The following STPG2 variants were observed in gnomAD, a reference collection of about 807,000 sequenced individuals.
The protein encoded by STPG2 is sperm-tail PG-rich repeat-containing protein 2.
STPG2 carries 56 observed loss-of-function variants against 54.2 expected under a neutral mutation model. The ratio of observed to expected loss-of-function variants is 1.03; its 90% CI spans 0.83 to 1.29. The LOEUF (loss-of-function observed/expected upper bound fraction) is 1.29, where lower values mean the gene tolerates loss of function less well. Among genes scored for constraint, STPG2 ranks in the 50% most tolerant of loss-of-function variants. STPG2 has a pLI of 0.00. For missense variants in STPG2, 596 were observed against 544.9 expected, an observed-to-expected ratio of 1.09 and a Z score of -0.93; for synonymous variants, 200 against 181.8, an observed-to-expected ratio of 1.10 and a Z score of -0.81.
intron 10 of STPG2, among the ~76,000 whole-genome samples, chr4:97,689,051 C>A (rs1211140936): frequency 6.6e-6 from 1 of 152,092 alleles, no homozygotes; most frequent in Non-Finnish European, 1.5e-5. Context: ...TACTTTCTCA[C>A]AAAAGAGGCT....
chr4:97,846,329 A>C (rs1488886206), intron 8 of STPG2, among the ~76,000 whole-genome samples: 1 of 152,046 alleles, frequency 6.6e-6, no homozygotes, highest in Non-Finnish European at 1.5e-5. Context: ...ACTCTCAATC[A>C]AAAAACCAGG....
At chr4:98,074,604 CT>C (rs1738103269) in intron 5 of STPG2, among the ~76,000 whole-genome samples, 2 of 152,100 alleles carry the variant, frequency 1.3e-5, no homozygotes, top group Admixed American at 6.5e-5. Flanking sequence ...ACCTTCTATT[CT>C]TTTACTCAGT....
intron 10 of STPG2, among the ~76,000 whole-genome samples, chr4:97,594,377 A>C (rs1733227164): frequency 6.6e-6 from 1 of 152,246 alleles, no homozygotes; most frequent in Admixed American, 6.5e-5. Context: ...TAACAGCAGA[A>C]TCAGCAAAGC....
intron 4 of STPG2, among the ~76,000 whole-genome samples, chr4:97,491,763 G>T (rs957177702): frequency 5.9e-5 from 9 of 151,468 alleles, no homozygotes; most frequent in Admixed American, 6.6e-5. Context: ...AATACTCTCT[G>T]TATAATCTGA....
chr4:97,918,807 A>G (rs963734341), intron 8 of STPG2, among the ~76,000 whole-genome samples: 9 of 152,070 alleles, frequency 5.9e-5, no homozygotes, highest in Non-Finnish European at 1.3e-4. Flanking sequence ...AACTCTGGAA[A>G]CTCGGGGGAA....
chr4:97,531,626 A>G (rs560290585), intron 4 of STPG2, among the ~76,000 whole-genome samples: 55 of 152,290 alleles, frequency 3.6e-4, no homozygotes, highest in African/African-American at 1.3e-3. Flanking sequence ...CAAACATCAC[A>G]TGTTCTCACT....
rs371080167 is a variant in STPG2, at chr4:97,676,056, T to G, written c.1320+36643A>C. Among the ~76,000 whole-genome samples the G allele has an allele frequency of 1.6e-4, 24 of 146,688 alleles. No homozygotes were observed. In the East Asian group the frequency reaches 2.0e-3, roughly 12 times the overall value. On this transcript the variant is annotated intron_variant, in intron 10 of 10. Transcript: ENST00000295268. ...TAGTATATATAATTACTAAAATATA[T>G]ATACTAAATATATACTATAGTATAT... is the stretch of plus-strand genomic sequence containing the variant.
chr4:97,493,728 C>CT (rs1477738919), intron 4 of STPG2, among the ~76,000 whole-genome samples: 2 of 151,402 alleles, frequency 1.3e-5, no homozygotes, highest in African/African-American at 4.8e-5. Context: ...ACGAGATGTA[C>CT]TAAAGGAGAT....
chr4:97,907,213 T>C (rs1201427736), intron 8 of STPG2, among the ~76,000 whole-genome samples: 1 of 150,872 alleles, frequency 6.6e-6, no homozygotes, highest in Non-Finnish European at 1.5e-5. Flanking sequence ...AGCATTCTTA[T>C]ACACCAACAA....
At chr4:97,679,867 C>T (rs1357080217) in intron 10 of STPG2, among the ~76,000 whole-genome samples, 3 of 151,956 alleles carry the variant, frequency 2.0e-5, no homozygotes, top group Admixed American at 6.6e-5. Flanking sequence ...TTCCCATCAC[C>T]ATTTATTAAA....
intron 5 of STPG2, among the ~76,000 whole-genome samples, chr4:98,069,625 A>G (rs1026049364): frequency 2.0e-5 from 3 of 152,042 alleles, no homozygotes; most frequent in Non-Finnish European, 4.4e-5. Flanking sequence ...TTGAGAGACA[A>G]TTCTCCATGA....
chr4:97,712,167 A>G (rs1724144158), intron 10 of STPG2, among the ~76,000 whole-genome samples: 1 of 152,150 alleles, frequency 6.6e-6, no homozygotes, highest in South Asian at 2.1e-4. Flanking sequence ...CTAATTCTCT[A>G]AAGGGCAATA....
intron 7 of STPG2, among the ~76,000 whole-genome samples, chr4:97,948,744 T>A (rs1470385465): frequency 9.2e-5 from 14 of 152,142 alleles, no homozygotes; most frequent in Non-Finnish European, 2.9e-5. Context: ...TGGAGTTGAT[T>A]TCTATTTGTA....
chr4:97,905,798 T>C (rs1422248767), intron 8 of STPG2, among the ~76,000 whole-genome samples: 4 of 148,910 alleles, frequency 2.7e-5, no homozygotes, highest in Non-Finnish European at 4.5e-5. Context: ...AAGGCAGGAG[T>C]TGCAATTCTT....
intron 4 of STPG2, among the ~76,000 whole-genome samples, chr4:97,444,698 A>C (rs766744415): frequency 6.6e-6 from 1 of 152,148 alleles, no homozygotes; most frequent in Non-Finnish European, 1.5e-5. Context: ...AAAGAAGAAC[A>C]ATGAAAGAGT....
intron 8 of STPG2, among the ~76,000 whole-genome samples, chr4:97,879,740 G>A (rs1401394413): frequency 6.6e-6 from 1 of 152,044 alleles, no homozygotes; most frequent in Admixed American, 6.5e-5. Flanking sequence ...CCAGGAAAAT[G>A]CATATTAAAA....
intron 4 of STPG2, among the ~76,000 whole-genome samples, chr4:97,505,778 C>A (rs1051223865): frequency 1.3e-5 from 2 of 151,702 alleles, no homozygotes; most frequent in African/African-American, 4.8e-5. Flanking sequence ...AGGAGGCATG[C>A]TGTATCCTAA....
chr4:97,723,002 C>T (rs1034509450), intron 9 of STPG2, among the ~76,000 whole-genome samples: 180 of 135,682 alleles, frequency 1.3e-3, no homozygotes, highest in Middle Eastern at 4.5e-3. Flanking sequence ...TTAGTGGAGA[C>T]GGGGTTTCAC....
chr4:97,707,716 C>A (rs1236162890), intron 10 of STPG2, among the ~76,000 whole-genome samples: 2 of 151,178 alleles, frequency 1.3e-5, no homozygotes, highest in Admixed American at 6.6e-5. Context: ...AGATGATAGT[C>A]CAAATTATAA....
Sources: gnomAD v4.1 joint callset for allele counts (sites outside exome capture counted in the v4.1 genomes callset) on GRCh38, gnomAD v4.1.1 for gene constraint, MANE v1.5 for transcripts, NCBI Gene and HGNC (gene_info 2026-07-23, HGNC 2026-07-21) for gene names.